Variants in FAM151A observed in about 807,000 individuals in gnomAD.
The protein encoded by FAM151A is protein FAM151A.
A neutral mutation model predicts 40.4 loss-of-function variants in FAM151A; 41 were observed. The ratio of observed to expected loss-of-function variants is 1.01; its 90% CI spans 0.79 to 1.32. The LOEUF (loss-of-function observed/expected upper bound fraction) is 1.32, where lower values mean the gene tolerates loss of function less well. Among genes scored for constraint, FAM151A ranks in the 40% most tolerant of loss-of-function variants. FAM151A has a pLI of 0.00. For missense variants in FAM151A, 740 were observed against 740.4 expected (o/e 1.00, Z 0.01); for synonymous variants, 337 against 312.5 (o/e 1.08, Z -0.83).
At chr1:54,610,601 AAC>A in intron 6 of FAM151A, 46 bp from the exon 7 acceptor site, 2 of 1,594,300 alleles carry the variant, frequency 1.3e-6, no homozygotes, top group Non-Finnish European at 1.7e-6. Context: ...CCATTCACAG[AAC>A]ACCTTACCTG....
At chr1:54,610,728 A>G (rs1644108906) in intron 6 of FAM151A, 173 bp from the exon 7 acceptor site, 5 of 979,818 alleles carry the variant, frequency 5.1e-6, no homozygotes, top group African/African-American at 1.8e-5. Flanking sequence ...GACTTGCCCA[A>G]GGTCTTATAA....
At chr1:54,612,177 A>G (rs1466439943) in intron 5 of FAM151A, among the ~76,000 whole-genome samples, 1 of 151,840 alleles carries the variant, frequency 6.6e-6, no homozygotes, top group African/African-American at 2.4e-5. Context: ...TTAAAGGCAC[A>G]ATCTGTGTAG....
intron 7 of FAM151A, chr1:54,610,180 C>A: frequency 7.0e-7 from 1 of 1,432,620 alleles, no homozygotes; most frequent in East Asian, 2.5e-5. Flanking sequence ...GGGCTGGTGC[C>A]GGCCTTGCCT....
At chr1:54,614,622 C>G (rs1569787777) in intron 4 of FAM151A, 78 bp downstream of exon 4, 1 of 1,437,110 alleles carries the variant, frequency 7.0e-7, no homozygotes, top group Non-Finnish European at 9.5e-7. Flanking sequence ...ACTCAGAGGT[C>G]CCCTAAGATC....
intron 2 of FAM151A, among the ~76,000 whole-genome samples, chr1:54,617,755 G>A (rs574469376): frequency 8.4e-5 from 9 of 107,512 alleles, no homozygotes; most frequent in Non-Finnish European, 1.6e-4. Context: ...ATGAAGTCTC[G>A]CTCTGTTGCC....
chr1:54,614,967 C>T (rs1644157581), intron 3 of FAM151A, 108 bp from the exon 4 acceptor site: 3 of 1,073,784 alleles, frequency 2.8e-6, no homozygotes, highest in African/African-American at 1.6e-5. Context: ...TGTGCGTGCA[C>T]AGTGGAGTCA....
chr1:54,612,701 G>A lies in FAM151A; in HGVS notation c.585C>T (p.Ala195=), dbSNP rs759652246. 3.1e-6 allele frequency: 5 copies of A among 1,613,254 alleles called. No individual in the cohort carries two copies. The highest frequency in any genetic ancestry group is 3.3e-5 in the Admixed American group (2 of 60,010). Residue 195 remains alanine, a synonymous_variant, in exon 5 of 8, where the codon GCC becomes GCT. Transcript: ENST00000302250. The stretch of plus-strand genomic sequence containing the variant: ...CCTTGGGATACTTCTCCTGGACCAG[G>A]GCCAGGAACCTGCAAAAAAATCAGA... The part of the protein sequence containing the change: ...STEVNATQFL[A]LVQEKYPKAT...
Position 54,617,155 on chromosome 1 carries a change from A to G in FAM151A, c.263-983T>C, listed in dbSNP as rs187847676. On this transcript the variant is annotated intron_variant, in intron 2 of 7. Coordinates refer to ENST00000302250, the MANE Select transcript of FAM151A (RefSeq NM_176782.3). ...ACATAGTTAACTCAATCAGGTGGAC[A>G]TCTTCTGATTCCTGCCTTCAAGAAT... Among the ~76,000 whole-genome samples, 3 of 152,294 alleles carry G rather than the reference A, an allele frequency of 2.0e-5. No individual in the cohort carries two copies. The East Asian group carries it at 5.8e-4, about 29-fold the overall frequency.
In FAM151A at chr1:54,610,561, G is replaced by C. The variant is rs1244927298; in HGVS notation, c.941-6C>G. On this transcript the variant is annotated splice_region_variant and splice_polypyrimidine_tract_variant and intron_variant, in intron 6 of 7. Transcript: ENST00000302250. The stretch of plus-strand genomic sequence containing the variant: ...TGGTTTCCGTGTGGCATTCACTGTG[G>C]GGCCCCAAATCGCCAAGGTGAAGTG... 2 of 1,609,168 alleles carry C rather than the reference G, an allele frequency of 1.2e-6. No individual in the cohort carries two copies. The highest frequency in any genetic ancestry group is 2.7e-5 in the African/African-American group (2 of 74,812).
chr1:54,614,220 G>A (rs2101017944), intron 4 of FAM151A, among the ~76,000 whole-genome samples: 1 of 152,300 alleles, frequency 6.6e-6, no homozygotes, highest in East Asian at 1.9e-4. Flanking sequence ...TGAGGGCTGT[G>A]AGCAGCGGTG....
chr1:54,613,208 T>C (rs1321297882), intron 4 of FAM151A, among the ~76,000 whole-genome samples: 1 of 151,802 alleles, frequency 6.6e-6, no homozygotes, highest in East Asian at 1.9e-4. Flanking sequence ...GGAGAAACCC[T>C]GTCTCTACTA....
rs1260531162 is a variant in FAM151A, at chr1:54,611,707, A to C, written c.839T>G (p.Met280Arg). Reference sequence around the variant, plus strand: ...GACGTAGAGCAGATCTTCCACCGACATGGGGTCCGAGGCAGCCTGCCACAG... The same window carrying C: ...GACGTAGAGCAGATCTTCCACCGACCTGGGGTCCGAGGCAGCCTGCCACAG... Reference protein sequence around the residue: ...LTLWQAASDPMSVEDLLYVRD... With the variant: ...LTLWQAASDPRSVEDLLYVRD... Residue 280 changes from methionine (M) to arginine (R), a missense_variant, in exon 6 of 8, where the codon ATG becomes AGG. Transcript: ENST00000302250. 1 of 1,614,078 alleles carries C rather than the reference A, an allele frequency of 6.2e-7. No homozygotes were observed.
At chr1:54,615,718 C>T (rs535008976) in intron 3 of FAM151A, among the ~76,000 whole-genome samples, 2 of 152,224 alleles carry the variant, frequency 1.3e-5, no homozygotes, top group South Asian at 2.1e-4. Flanking sequence ...GAACATGTTA[C>T]GTCCAGTTCT....
rs201887755 is a variant in FAM151A at position 54,612,703 on chromosome 1, C to T, written c.583G>A (p.Ala195Thr). The change falls in exon 5 of 8, where the codon GCC becomes ACC. Residue 195 changes from alanine to threonine, a missense_variant. Coordinates refer to ENST00000302250, the MANE Select transcript of FAM151A (RefSeq NM_176782.3). ...TTGGGATACTTCTCCTGGACCAGGG[C>T]CAGGAACCTGCAAAAAAATCAGAGA... ...STEVNATQFL[A>T]LVQEKYPKAT... 1.9e-6 allele frequency: 3 copies of T among 1,613,020 alleles called. No homozygotes were observed. Among genetic ancestry groups the T allele is most frequent in the Non-Finnish European group, 2.5e-6 (3 of 1,179,526 alleles).
rs145140282 is a variant in FAM151A at position 54,609,556 on chromosome 1, C to T, written c.1470G>A (p.Arg490=). The change falls in exon 8 of 8, where the codon AGG becomes AGA. Residue 490 remains arginine, a synonymous_variant. Transcript: ENST00000302250. The part of the protein sequence containing the change: ...WPEEVLGSGY[R]EQLLTDMLEL... ...CTAGCATATCTGTGAGCAGCTGTTC[C>T]CTGTAGCCACTGCCCAGCACCTCCT... 4 of 1,612,658 alleles carry T rather than the reference C, an allele frequency of 2.5e-6. No homozygotes were observed. In the Admixed American group the frequency reaches 5.0e-5, roughly 20 times the overall value.
rs370322968 is a variant in FAM151A at position 54,609,930 on chromosome 1, TGCCTTCTGTGTCTGGAAGAG to T, written c.1085-9_1095del. On this transcript the variant is annotated splice_acceptor_variant and splice_polypyrimidine_tract_variant and coding_sequence_variant and intron_variant, in exon 8 of 8. Coordinates refer to ENST00000302250, the MANE Select transcript of FAM151A (RefSeq NM_176782.3). LOFTEE classifies it high-confidence loss of function. ...TCGAGGCCAGTGTTCAGCAGGATCA[TGCCTTCTGTGTCTGGAAGAG>T]GCGGCAGAGGCAACAGTGTTTAGGA... 10 of 1,604,752 alleles carry T rather than the reference TGCCTTCTGTGTCTGGAAGAG, an allele frequency of 6.2e-6. No individual in the cohort carries two copies. In the African/African-American group the frequency reaches 1.3e-4, roughly 21 times the overall value.
chr1:54,610,162 C>G, intron 7 of FAM151A: 1 of 1,432,874 alleles, frequency 7.0e-7, no homozygotes, highest in Non-Finnish European at 9.1e-7. Context: ...ACCCATGACT[C>G]AGCCTGGGGG....
In FAM151A at chr1:54,614,689, C is replaced by T. The variant is rs370122256; in HGVS notation, c.575+11G>A. 1.4e-4 allele frequency: 227 copies of T among 1,605,328 alleles called. No individual in the cohort carries two copies. The highest frequency in any genetic ancestry group is 1.3e-3 in the East Asian group (57 of 44,684). On this transcript the variant is annotated intron_variant, in intron 4 of 7. Coordinates refer to ENST00000302250, the MANE Select transcript of FAM151A (RefSeq NM_176782.3). ...GCTGGACACAGCTGGGACAGAGAGG[C>T]GAACACTCACTGTGTGGCATTGACC...
At chr1:54,615,750 C>G (rs1473924800) in intron 3 of FAM151A, among the ~76,000 whole-genome samples, 1 of 152,200 alleles carries the variant, frequency 6.6e-6, no homozygotes, top group East Asian at 1.9e-4. Flanking sequence ...AGGGAGCACT[C>G]TGAGCATGCG....
Sources: allele counts gnomAD v4.1 joint callset (sites outside exome capture counted in the v4.1 genomes callset), GRCh38; gene constraint gnomAD v4.1.1; transcripts MANE v1.5; gene names NCBI Gene and HGNC (gene_info 2026-07-23, HGNC 2026-07-21).